Variants in LRRC4C observed in about 807,000 individuals in gnomAD.
LRRC4C encodes leucine rich repeat containing 4C.
LRRC4C carries 5 observed loss-of-function variants against 33.6 expected under a neutral mutation model. That is an observed-to-expected ratio of 0.15 (90% CI 0.08 to 0.31). The LOEUF (loss-of-function observed/expected upper bound fraction) is 0.31, where lower values mean the gene tolerates loss of function less well. LRRC4C is among the 10% of genes least tolerant of loss of function. LRRC4C has a pLI of 1.00. For missense variants in LRRC4C, 560 were observed against 796.7 expected (o/e 0.70, Z 3.58); for synonymous variants, 329 against 302.0 (o/e 1.09, Z -0.93).
chr11:41,187,678 A>G (rs983270713), intron 1 of LRRC4C, among the ~76,000 whole-genome samples: 3 of 152,222 alleles, frequency 2.0e-5, no homozygotes, highest in African/African-American at 7.2e-5. Flanking sequence ...GGGGTCTAAT[A>G]GAGCTGATTA....
chr11:40,579,752 A>G (rs1230011185), intron 3 of LRRC4C, among the ~76,000 whole-genome samples: 1 of 144,276 alleles, frequency 6.9e-6, no homozygotes, highest in Non-Finnish European at 1.5e-5. Flanking sequence ...AAACAACAAC[A>G]ACAACAAAAA....
At chr11:41,008,843 CA>C (rs925895597) in intron 1 of LRRC4C, among the ~76,000 whole-genome samples, 12 of 151,962 alleles carry the variant, frequency 7.9e-5, no homozygotes, top group African/African-American at 2.9e-4. Flanking sequence ...CATTAAGATT[CA>C]AAAACTCCTT....
At chr11:40,524,691 C>T (rs952959532) in intron 3 of LRRC4C, among the ~76,000 whole-genome samples, 2 of 152,184 alleles carry the variant, frequency 1.3e-5, no homozygotes, top group African/African-American at 4.8e-5. Context: ...CATACAGCAT[C>T]TGGACCAAAA....
At chr11:41,306,218 TTC>T (rs1358240745) in intron 1 of LRRC4C, among the ~76,000 whole-genome samples, 1 of 152,256 alleles carries the variant, frequency 6.6e-6, no homozygotes, top group Non-Finnish European at 1.5e-5. Flanking sequence ...AGCACTTTGT[TTC>T]TCTCTCTTTT....
At chr11:40,748,745 C>G (rs1235411630) in intron 2 of LRRC4C, among the ~76,000 whole-genome samples, 1 of 151,894 alleles carries the variant, frequency 6.6e-6, no homozygotes, top group Non-Finnish European at 1.5e-5. Context: ...ACGCACTTTA[C>G]CTATAAAGAC....
chr11:40,342,737 A>G (rs1161962575), intron 3 of LRRC4C, among the ~76,000 whole-genome samples: 2 of 152,142 alleles, frequency 1.3e-5, no homozygotes, highest in Non-Finnish European at 2.9e-5. Flanking sequence ...AGTCTCATTT[A>G]AAAGCACATT....
At chr11:41,443,596 T>C (rs181969329) in intron 1 of LRRC4C, among the ~76,000 whole-genome samples, 1 of 151,774 alleles carries the variant, frequency 6.6e-6, no homozygotes, top group Non-Finnish European at 1.5e-5. Flanking sequence ...TTCTTTTCTT[T>C]TCTCTCTTTC....
At chr11:40,451,774 C>G (rs1259353488) in intron 3 of LRRC4C, among the ~76,000 whole-genome samples, 1 of 152,104 alleles carries the variant, frequency 6.6e-6, no homozygotes, top group Non-Finnish European at 1.5e-5. Flanking sequence ...GAAACACAAA[C>G]TACTAAACCG....
Position 41,174,043 on chromosome 11 carries a change from T to C in LRRC4C, c.-495-240320A>G, listed in dbSNP as rs1200829903. Among the ~76,000 whole-genome samples the C allele has an allele frequency of 3.9e-5, 6 of 152,158 alleles. No homozygotes were observed. In the East Asian group the frequency reaches 9.6e-4, roughly 24 times the overall value. On this transcript the variant is annotated intron_variant, in intron 1 of 6. Coordinates refer to ENST00000528697, the MANE Select transcript of LRRC4C (RefSeq NM_001258419.2). ...GTCAACTACAGGATACCTAATCATATCAATATAATTTATTCTGCAACAGAT... is the reference window on the plus strand; with the variant it reads ...GTCAACTACAGGATACCTAATCATACCAATATAATTTATTCTGCAACAGAT...
At chr11:40,179,332 A>G (rs1860787401) in intron 5 of LRRC4C, among the ~76,000 whole-genome samples, 1 of 152,168 alleles carries the variant, frequency 6.6e-6, no homozygotes, top group Non-Finnish European at 1.5e-5. Context: ...CCTTATTTAA[A>G]TTATACTAAT....
intron 2 of LRRC4C, among the ~76,000 whole-genome samples, chr11:40,806,721 AG>A (rs1269406320): frequency 6.6e-6 from 1 of 152,250 alleles, no homozygotes; most frequent in Non-Finnish European, 1.5e-5. Context: ...ATTTTGACTT[AG>A]AATATTTTAC....
At chr11:40,432,212 G>T (rs1239146620) in intron 3 of LRRC4C, among the ~76,000 whole-genome samples, 1 of 151,334 alleles carries the variant, frequency 6.6e-6, no homozygotes, top group African/African-American at 2.4e-5. Context: ...TCTTTGACAT[G>T]CCTCTTGCTA....
chr11:40,796,402 G>A (rs930106806), intron 2 of LRRC4C, among the ~76,000 whole-genome samples: 4 of 152,078 alleles, frequency 2.6e-5, no homozygotes, highest in Admixed American at 2.0e-4. Flanking sequence ...AGTAACAAAT[G>A]AGCCTAGGAC....
intron 2 of LRRC4C, among the ~76,000 whole-genome samples, chr11:40,760,435 G>A (rs2137064523): frequency 6.7e-6 from 1 of 149,048 alleles, no homozygotes; most frequent in East Asian, 2.0e-4. Flanking sequence ...AAAGTTTGCT[G>A]ACAACTGCAA....
rs56173087 is a variant in LRRC4C at position 41,093,927 on chromosome 11, C to CAAAA, written c.-495-160208_-495-160205dup. Among the ~76,000 whole-genome samples the CAAAA allele has an allele frequency of 4.1e-3, 243 of 58,936 alleles. 1 individual carries two copies. Among genetic ancestry groups the CAAAA allele is most frequent in the African/African-American group, 0.014 (211 of 14,836 alleles). 38.7% of individuals were successfully genotyped at this position (58,936 alleles called of 152,430 possible). On this transcript the variant is annotated intron_variant, in intron 1 of 6. Coordinates refer to ENST00000528697, the MANE Select transcript of LRRC4C (RefSeq NM_001258419.2). ...TAACATGATGAAACCCCGTCTCCAC[C>CAAAA]AAAAAAAAAAAAAAAAAAAAAAACA...
At chr11:40,172,051 C>T (rs768042071) in intron 5 of LRRC4C, among the ~76,000 whole-genome samples, 1 of 152,084 alleles carries the variant, frequency 6.6e-6, no homozygotes, top group Non-Finnish European at 1.5e-5. Context: ...AGTCCGTTTG[C>T]TTTCTTCTGC....
intron 5 of LRRC4C, among the ~76,000 whole-genome samples, chr11:40,198,895 TC>T (rs1565122988): frequency 6.6e-6 from 1 of 152,068 alleles, no homozygotes; most frequent in South Asian, 2.1e-4. Context: ...CTCTAGAAGT[TC>T]CCCCCAGAAG....
intron 1 of LRRC4C, among the ~76,000 whole-genome samples, chr11:41,008,095 TAA>T (rs1253514685): frequency 2.0e-5 from 3 of 152,108 alleles, no homozygotes; most frequent in Admixed American, 2.0e-4. Context: ...AAAACATACC[TAA>T]GAGTAGCCCA....
chr11:40,881,079 C>T (rs1171600311), intron 2 of LRRC4C, among the ~76,000 whole-genome samples: 1 of 151,734 alleles, frequency 6.6e-6, no homozygotes, highest in Non-Finnish European at 1.5e-5. Context: ...AAAATTGTGC[C>T]CTTCTCCTGA....
Sources: gnomAD v4.1 joint callset for allele counts (sites outside exome capture counted in the v4.1 genomes callset) on GRCh38, gnomAD v4.1.1 for gene constraint, MANE v1.5 for transcripts, NCBI Gene and HGNC (gene_info 2026-07-23, HGNC 2026-07-21) for gene names.